The following PNLIPRP1 variants were observed in gnomAD, a reference collection of about 807,000 sequenced individuals.
PNLIPRP1 encodes the protein inactive pancreatic lipase-related protein 1.
Under a neutral mutation model 54.6 loss-of-function variants are expected in PNLIPRP1, and 57 were observed. That is an observed-to-expected ratio of 1.04 (90% CI 0.84 to 1.30). The LOEUF (loss-of-function observed/expected upper bound fraction) is 1.30, where lower values mean the gene tolerates loss of function less well. Ranked by LOEUF, PNLIPRP1 falls within the 50% of genes most tolerant of loss-of-function variation. The pLI, the probability that PNLIPRP1 is intolerant of heterozygous loss-of-function variation, is 0.00. For synonymous variants in PNLIPRP1, 232 were observed against 208.8 expected, an observed-to-expected ratio of 1.11 and a Z score of -0.96; for missense variants, 567 against 568.5, an observed-to-expected ratio of 1.00 and a Z score of 0.03.
At chr10:116,607,579 A>G (rs1445936631) in intron 12 of PNLIPRP1, among the ~76,000 whole-genome samples, 1 of 152,064 alleles carries the variant, frequency 6.6e-6, no homozygotes, top group Non-Finnish European at 1.5e-5. Flanking sequence ...ACAGGGCCCA[A>G]GTGCAGGGAA....
chr10:116,599,253 C>A (rs1203561469), intron 8 of PNLIPRP1, among the ~76,000 whole-genome samples: 1 of 64,678 alleles, frequency 1.5e-5, no homozygotes, highest in Non-Finnish European at 3.6e-5. Context: ...GAAACTCCAT[C>A]TCGAAAATAA....
chr10:116,605,236 A>G (rs1228852321), intron 11 of PNLIPRP1, 150 bp from the exon 12 acceptor site: 2 of 492,882 alleles, frequency 4.1e-6, no homozygotes, highest in African/African-American at 3.9e-5. Context: ...GCTAGCATAT[A>G]GCTGGCTTTT....
chr10:116,592,365 G>T, intron 3 of PNLIPRP1, 51 bp from the exon 4 acceptor site: 1 of 1,540,316 alleles, frequency 6.5e-7, no homozygotes, highest in Admixed American at 2.0e-5. Flanking sequence ...AAGGAAAAAG[G>T]CCTGTGAGGC....
intron 12 of PNLIPRP1, among the ~76,000 whole-genome samples, chr10:116,608,083 C>T (rs1554865780): frequency 3.3e-5 from 5 of 152,208 alleles, no homozygotes; most frequent in South Asian, 2.1e-4. Context: ...CTCAAACTCC[C>T]GGCCTCAAGT....
Position 116,597,907 on chromosome 10 carries a change from T to C in PNLIPRP1, c.654T>C (p.Asp218=). ...ATCCCTCTGATGCTGACTTTGTTGA[T>C]GTGATTCACACGGATGCAGCTCCCC... The part of the protein sequence containing the change: ...RLDPSDADFV[D]VIHTDAAPLI... Residue 218 remains aspartate, a synonymous_variant, in exon 7 of 13, where the codon GAT becomes GAC. Transcript: ENST00000358834. 6.2e-7 allele frequency: 1 copy of C among 1,614,248 alleles called. No individual in the cohort carries two copies. Among genetic ancestry groups the C allele is most frequent in the Non-Finnish European group, 8.5e-7 (1 of 1,180,044 alleles).
At chr10:116,591,073 GTGCTCAC>G (rs1417851333) in intron 1 of PNLIPRP1, 50 bp from the exon 2 acceptor site, 4 of 1,405,456 alleles carry the variant, frequency 2.8e-6, no homozygotes, top group Non-Finnish European at 4.0e-6. Context: ...CAGGGCGTCG[GTGCTCAC>G]TGCTCTGGCA....
intron 11 of PNLIPRP1, 26 bp from the exon 12 acceptor site, chr10:116,605,360 G>A (rs1847919267): frequency 6.8e-7 from 1 of 1,479,248 alleles, no homozygotes. Flanking sequence ...CCGTGAACAG[G>A]GATGTTTATG....
In PNLIPRP1 at chr10:116,596,342, GC is replaced by G; in HGVS notation, c.574+24del. ...TTACAGGTAAGGCCCCAGAGGCAGG[GC>G]CCCAGTTTTGTCCCCAGAAACCCCA... On this transcript the variant is annotated intron_variant, in intron 6 of 12. Coordinates refer to ENST00000358834, the MANE Select transcript of PNLIPRP1 (RefSeq NM_006229.4). 6.7e-7 allele frequency: 1 copy of G among 1,500,568 alleles called. No homozygotes were observed. The highest frequency in any genetic ancestry group is 9.2e-7 in the Non-Finnish European group (1 of 1,081,588). 93.0% of individuals were successfully genotyped at this position (1,500,568 alleles called of 1,614,324 possible). A position where few individuals can be genotyped will look rare whatever the true frequency, so the allele number is the denominator to read the frequency against.
At chr10:116,605,248 C>A in intron 11 of PNLIPRP1, 138 bp from the exon 12 acceptor site, 1 of 523,680 alleles carries the variant, frequency 1.9e-6, no homozygotes, top group African/African-American at 1.9e-5. Flanking sequence ...CTGGCTTTTC[C>A]ATTTCTCCAT....
intron 4 of PNLIPRP1, 43 bp from the exon 5 acceptor site, chr10:116,594,687 T>G (rs1554863690): frequency 6.2e-7 from 1 of 1,612,330 alleles, no homozygotes; most frequent in Non-Finnish European, 8.5e-7. Context: ...AGGTTTCCCC[T>G]GCTCCCATTA....
chr10:116,592,775 C>T (rs1847664226), intron 4 of PNLIPRP1: 2 of 585,460 alleles, frequency 3.4e-6, no homozygotes, highest in African/African-American at 1.8e-5. Context: ...CTGGTTAAAC[C>T]AAGGCCTGAT....
At chr10:116,592,604 T>C (rs1554863391) in intron 4 of PNLIPRP1, 63 bp downstream of exon 4, 9 of 1,587,608 alleles carry the variant, frequency 5.7e-6, no homozygotes, top group Non-Finnish European at 7.8e-6. Flanking sequence ...CATCTCTGCA[T>C]CACTTTATGC....
intron 8 of PNLIPRP1, 58 bp downstream of exon 8, chr10:116,598,224 C>T: frequency 6.8e-7 from 1 of 1,461,256 alleles, no homozygotes; most frequent in South Asian, 1.3e-5. Context: ...GTGACCAATA[C>T]CTTTCTGCAG....
At chr10:116,592,339 G>T in intron 3 of PNLIPRP1, 77 bp from the exon 4 acceptor site, 1 of 1,483,374 alleles carries the variant, frequency 6.7e-7, no homozygotes, top group Non-Finnish European at 9.0e-7. Flanking sequence ...AGGCATTGGC[G>T]CAGGCGGAGA....
intron 12 of PNLIPRP1, among the ~76,000 whole-genome samples, chr10:116,606,864 C>T (rs1289913646): frequency 2.0e-5 from 3 of 152,174 alleles, no homozygotes; most frequent in African/African-American, 7.2e-5. Flanking sequence ...TCCAGAAAGA[C>T]TCTTTCTTAA....
Position 116,607,771 on chromosome 10 carries a change from ACATCTG to A in PNLIPRP1, c.1341-1278_1341-1273del, listed in dbSNP as rs1337900489. ...TGAACAACCACAAAAATAACTGCTT[ACATCTG>A]CATTGTTTTTTGTTAATTGTAAGAC... On this transcript the variant is annotated intron_variant, in intron 12 of 12. Transcript: ENST00000358834. Among the ~76,000 whole-genome samples, 16 of 152,362 alleles carry A rather than the reference ACATCTG, an allele frequency of 1.1e-4. No individual in the cohort carries two copies. The East Asian group carries it at 3.1e-3, about 29-fold the overall frequency.
chr10:116,591,174 C>T lies in PNLIPRP1; in HGVS notation c.45C>T (p.Ala15=). 1.2e-6 allele frequency: 2 copies of T among 1,612,502 alleles called. No individual in the cohort carries two copies. The highest frequency in any genetic ancestry group is 2.2e-5 in the South Asian group (2 of 91,052). ...TCACACTTTTCCTGCTGGGAGCAGC[C>T]AAAGGTAAGAAACACCACTCCTGCC... ...WTITLFLLGA[A]KGKEVCYEDL... Residue 15 remains alanine, a synonymous_variant, in exon 2 of 13, where the codon GCC becomes GCT. Transcript: ENST00000358834.
Position 116,604,010 on chromosome 10 carries a change from C to T in PNLIPRP1, c.1064-20C>T. 1 of 1,497,710 alleles carries T rather than the reference C, an allele frequency of 6.7e-7. No homozygotes were observed. The highest frequency in any genetic ancestry group is 1.8e-5 in the Admixed American group (1 of 57,134). 92.8% of individuals were successfully genotyped at this position (1,497,710 alleles called of 1,614,324 possible). On this transcript the variant is annotated intron_variant, in intron 10 of 12. Transcript: ENST00000358834. ...TTATTTTGTGTGTGAATAAATTGAA[C>T]TCTTCCATCTCCTGTGCAGGCTGGA...
At chr10:116,591,052 G>A in intron 1 of PNLIPRP1, 57 bp downstream of exon 1, 4 of 1,112,852 alleles carry the variant, frequency 3.6e-6, no homozygotes, top group Non-Finnish European at 5.4e-6. Context: ...GAGGTAAACA[G>A]TACTGAAGTC....
Sources: gnomAD v4.1 joint callset for allele counts (sites outside exome capture counted in the v4.1 genomes callset) on GRCh38, gnomAD v4.1.1 for gene constraint, MANE v1.5 for transcripts, NCBI Gene and HGNC (gene_info 2026-07-23, HGNC 2026-07-21) for gene names.